Variants in ASXL3 observed in about 807,000 individuals in gnomAD.
ASXL3 encodes putative Polycomb group protein ASXL3.
A neutral mutation model predicts 170.6 loss-of-function variants in ASXL3; 34 were observed. The observed-to-expected ratio is 0.20, with a 90% confidence interval of 0.15 to 0.27. The LOEUF (loss-of-function observed/expected upper bound fraction) is 0.27. Among genes scored for constraint, ASXL3 ranks in the 10% least tolerant of loss-of-function variants. ASXL3 has a pLI of 1.00. For missense variants in ASXL3, 2,592 were observed against 2,695.3 expected (o/e 0.96, Z 0.85); for synonymous variants, 1,002 against 989.1 (o/e 1.01, Z -0.24).
intron 2 of ASXL3, among the ~76,000 whole-genome samples, chr18:33,611,281 A>G (rs1240017702): frequency 6.6e-6 from 1 of 152,124 alleles, no homozygotes; most frequent in East Asian, 1.9e-4. Flanking sequence ...AAATATGAAT[A>G]TAATAAATTG....
chr18:33,714,361 C>A (rs1218520374), intron 8 of ASXL3, among the ~76,000 whole-genome samples: 4 of 152,114 alleles, frequency 2.6e-5, no homozygotes, highest in Admixed American at 1.3e-4. Flanking sequence ...CACTACTCAT[C>A]CAGCAGCACT....
chr18:33,723,070 C>T (rs2067289432), intron 8 of ASXL3, among the ~76,000 whole-genome samples: 1 of 152,130 alleles, frequency 6.6e-6, no homozygotes, highest in Admixed American at 6.6e-5. Context: ...AATATTACTG[C>T]TCATTGACAA....
intron 4 of ASXL3, among the ~76,000 whole-genome samples, chr18:33,648,053 A>G (rs909835775): frequency 2.0e-5 from 3 of 152,032 alleles, no homozygotes. Flanking sequence ...AAGGGAGAGT[A>G]TGTTAAGAAA....
At chr18:33,726,405 T>C (rs1015113778) in intron 8 of ASXL3, among the ~76,000 whole-genome samples, 1 of 152,126 alleles carries the variant, frequency 6.6e-6, no homozygotes, top group African/African-American at 2.4e-5. Flanking sequence ...TGCTGTCTAG[T>C]ACAATAGCCA....
intron 1 of ASXL3, among the ~76,000 whole-genome samples, chr18:33,599,251 G>T (rs1325150355): frequency 1.3e-5 from 2 of 152,092 alleles, no homozygotes; most frequent in Non-Finnish European, 2.9e-5. Context: ...ACATCAGGAA[G>T]ATGCATATGT....
intron 2 of ASXL3, among the ~76,000 whole-genome samples, chr18:33,641,242 G>A (rs1287798866): frequency 1.3e-5 from 2 of 152,028 alleles, no homozygotes; most frequent in Admixed American, 6.6e-5. Context: ...ATTTCACACA[G>A]CACTGGGGCT....
intron 8 of ASXL3, among the ~76,000 whole-genome samples, chr18:33,701,386 T>C (rs2066871600): frequency 6.6e-6 from 1 of 152,088 alleles, no homozygotes; most frequent in African/African-American, 2.4e-5. Flanking sequence ...TAGGGAGTGT[T>C]GTCATTGCTT....
At chr18:33,698,639 CAAATGTT>C (rs1354841532) in intron 8 of ASXL3, among the ~76,000 whole-genome samples, 1 of 151,912 alleles carries the variant, frequency 6.6e-6, no homozygotes, top group Non-Finnish European at 1.5e-5. Context: ...CTGAAATTTC[CAAATGTT>C]AATGGCTGAA....
At chr18:33,680,839 T>G (rs1385366645) in intron 7 of ASXL3, among the ~76,000 whole-genome samples, 1 of 151,982 alleles carries the variant, frequency 6.6e-6, no homozygotes, top group Non-Finnish European at 1.5e-5. Flanking sequence ...ATTTTTATTC[T>G]TTCCATATAA....
chr18:33,586,228 A>C (rs2065032940), intron 1 of ASXL3, among the ~76,000 whole-genome samples: 2 of 152,090 alleles, frequency 1.3e-5, no homozygotes, highest in African/African-American at 4.8e-5. Flanking sequence ...TGTCAAAATA[A>C]ATTACTACAT....
rs572354154 is a variant in ASXL3, at chr18:33,689,211, T to A, written c.879+5643T>A. Among the ~76,000 whole-genome samples, 154 of 152,198 alleles carry A rather than the reference T, an allele frequency of 1.0e-3. 1 individual carries two copies. The highest frequency in any genetic ancestry group is 1.7e-3 in the Non-Finnish European group (115 of 67,986). ...GTTTCGCCATGTTGGCCAGACTAGT[T>A]TTGAACTCCTGACCTCAGGTGATCC... On this transcript the variant is annotated intron_variant, in intron 8 of 11. Transcript: ENST00000269197.
intron 8 of ASXL3, among the ~76,000 whole-genome samples, chr18:33,687,947 A>G (rs1386399430): frequency 1.3e-5 from 2 of 152,180 alleles, no homozygotes; most frequent in Admixed American, 1.3e-4. Context: ...GGACCATTTC[A>G]TTATTTAAAT....
chr18:33,745,170 AATC>A lies in ASXL3; in HGVS notation c.5324_5326del (p.Ile1775del). On this transcript the variant is annotated inframe_deletion, in exon 12 of 12. Coordinates refer to ENST00000269197, the MANE Select transcript of ASXL3 (RefSeq NM_030632.3). ...AGCCCAGATTGGGAGCCAAGCTTGA[AATC>A]AACAGGCTTCCATTGCCTCTTCAAA... is the stretch of plus-strand genomic sequence containing the variant. 6.2e-7 allele frequency: 1 copy of A among 1,613,998 alleles called. No homozygotes were observed. The highest frequency in any genetic ancestry group is 8.5e-7 in the Non-Finnish European group (1 of 1,179,894).
rs1323343804 is a variant in ASXL3, at chr18:33,749,900, A to G, written c.*3305A>G. ...AACAAGCTGGTACATATGGTGCTTT[A>G]TAATGCAGTCGAGAGTAAGAATACA... On this transcript the variant is annotated 3_prime_UTR_variant, in exon 12 of 12. Transcript: ENST00000269197. 1 of 152,268 alleles carries G rather than the reference A, an allele frequency of 6.6e-6. No individual in the cohort carries two copies. Among genetic ancestry groups the G allele is most frequent in the East Asian group, 1.9e-4 (1 of 5,202 alleles). 9.4% of individuals were successfully genotyped at this position (152,268 alleles called of 1,614,324 possible). A position where few individuals can be genotyped will look rare whatever the true frequency, so the allele number is the denominator to read the frequency against.
Position 33,744,249 on chromosome 18 carries a change from A to G in ASXL3, c.4401A>G (p.Arg1467=). ...PGGFAPAAIN[R]SIPCKVIVDH... ...GCTTTGCACCAGCAGCCATAAACCG[A>G]TCAATTCCGTGTAAAGTCATCGTTG... The change falls in exon 12 of 12, where the codon CGA becomes CGG. Residue 1467 remains arginine, a synonymous_variant. Transcript: ENST00000269197. The G allele has an allele frequency of 6.2e-7, 1 of 1,614,000 alleles. No individual in the cohort carries two copies. Among genetic ancestry groups the G allele is most frequent in the Non-Finnish European group, 8.5e-7 (1 of 1,179,902 alleles).
chr18:33,660,420 A>G (rs1359397318), intron 4 of ASXL3, among the ~76,000 whole-genome samples: 1 of 152,062 alleles, frequency 6.6e-6, no homozygotes, highest in African/African-American at 2.4e-5. Context: ...ATCAGAAGCC[A>G]CTTGAGTGTT....
In ASXL3 at chr18:33,578,431, C is replaced by T. The variant is rs2064961955; in HGVS notation, c.-201C>T. 1.0e-5 allele frequency: 1 copy of T among 99,972 alleles called. No homozygotes were observed. The highest frequency in any genetic ancestry group is 3.0e-4 in the South Asian group (1 of 3,300). 6.2% of individuals were successfully genotyped at this position (99,972 alleles called of 1,614,324 possible). A position where few individuals can be genotyped will look rare whatever the true frequency, so the allele number is the denominator to read the frequency against. On this transcript the variant is annotated 5_prime_UTR_variant, in exon 1 of 12. Transcript: ENST00000269197. ...CCGTCGCGCGCCCCCACCCACTCCA[C>T]CCCACCCCCTCGCTCCATCCCTCCC...
At chr18:33,582,209 C>G (rs1178357335) in intron 1 of ASXL3, among the ~76,000 whole-genome samples, 1 of 152,142 alleles carries the variant, frequency 6.6e-6, no homozygotes, top group Non-Finnish European at 1.5e-5. Flanking sequence ...TCATGTCGAG[C>G]TGGGGCTTTG....
At chr18:33,694,604 G>A (rs553675259) in intron 8 of ASXL3, among the ~76,000 whole-genome samples, 1 of 151,276 alleles carries the variant, frequency 6.6e-6, no homozygotes, top group East Asian at 1.9e-4. Context: ...AGTTGTGCCT[G>A]CTTTTTTTTT....
Sources: allele counts gnomAD v4.1 joint callset (sites outside exome capture counted in the v4.1 genomes callset), GRCh38; gene constraint gnomAD v4.1.1; transcripts MANE v1.5; gene names NCBI Gene and HGNC (gene_info 2026-07-23, HGNC 2026-07-21).